The following ARRB1 variants were observed in gnomAD, a reference collection of about 807,000 sequenced individuals.
ARRB1 encodes the protein beta-arrestin-1.
ARRB1 carries 21 observed loss-of-function variants against 56.8 expected under a neutral mutation model. That is an observed-to-expected ratio of 0.37 (90% CI 0.26 to 0.53). The LOEUF is 0.53. Among genes scored for constraint, ARRB1 ranks in the 20% least tolerant of loss-of-function variants. ARRB1 has a pLI of 0.88. For synonymous variants in ARRB1, 210 were observed against 218.6 expected, an observed-to-expected ratio of 0.96 and a Z score of 0.35; for missense variants, 424 against 553.7, an observed-to-expected ratio of 0.77 and a Z score of 2.35.
At chr11:75,309,233 A>G (rs1214023436) in intron 1 of ARRB1, among the ~76,000 whole-genome samples, 1 of 152,232 alleles carries the variant, frequency 6.6e-6, no homozygotes, top group African/African-American at 2.4e-5. Context: ...CATTGCAGGG[A>G]TCCCTGGAGG....
intron 7 of ARRB1, among the ~76,000 whole-genome samples, chr11:75,279,445 G>C (rs1298391525): frequency 6.6e-6 from 1 of 152,092 alleles, no homozygotes; most frequent in East Asian, 1.9e-4. Flanking sequence ...GAGGGAGGGG[G>C]ACTTGGTGAG....
At chr11:75,324,122 C>T (rs1378626243) in intron 1 of ARRB1, among the ~76,000 whole-genome samples, 1 of 152,210 alleles carries the variant, frequency 6.6e-6, no homozygotes, top group Non-Finnish European at 1.5e-5. Context: ...GATGATTGCT[C>T]TCTTCTCCTT....
intron 1 of ARRB1, among the ~76,000 whole-genome samples, chr11:75,299,369 G>A (rs1946841729): frequency 6.6e-6 from 1 of 151,468 alleles, no homozygotes; most frequent in Non-Finnish European, 1.5e-5. Context: ...GTTATACAAT[G>A]AGCATAAAGT....
chr11:75,280,194 T>C (rs1591908807), intron 7 of ARRB1, among the ~76,000 whole-genome samples: 2 of 152,294 alleles, frequency 1.3e-5, no homozygotes, highest in South Asian at 2.1e-4. Flanking sequence ...TCCTCCCACA[T>C]CCCACAGCAC....
chr11:75,272,280 A>G (rs1668694718), intron 12 of ARRB1, among the ~76,000 whole-genome samples: 1 of 152,372 alleles, frequency 6.6e-6, no homozygotes, highest in East Asian at 1.9e-4. Context: ...AAAGAAACAC[A>G]GTAGTTTGTT....
At position 75,338,203 on chromosome 11, in the gene ARRB1, A is replaced by G. The variant is rs142603821; in HGVS notation, c.20+13385T>C. Among the ~76,000 whole-genome samples, 30 of 152,174 alleles carry G rather than the reference A, an allele frequency of 2.0e-4. 1 individual carries two copies. In the East Asian group the frequency reaches 2.3e-3, roughly 12 times the overall value. On this transcript the variant is annotated intron_variant, in intron 1 of 15. Transcript: ENST00000420843. Reference sequence around the variant, plus strand: ...GGGGACTTTCCCATAGGACATGGGGAGCAGTGGATCAGGCCTTAGGCTGGG... The same window carrying G: ...GGGGACTTTCCCATAGGACATGGGGGGCAGTGGATCAGGCCTTAGGCTGGG...
rs1239532561 is a variant in ARRB1, at chr11:75,265,817, C to G, written c.*346G>C. 1 of 327,698 alleles carries G rather than the reference C, an allele frequency of 3.1e-6. No individual in the cohort carries two copies. Among genetic ancestry groups the G allele is most frequent in the African/African-American group, 2.1e-5 (1 of 47,014 alleles). The allele number at this position is 327,698 out of a possible 1,614,324, so 20.3% of individuals were successfully genotyped here. A position where few individuals can be genotyped will look rare whatever the true frequency, so the allele number is the denominator to read the frequency against. On this transcript the variant is annotated 3_prime_UTR_variant, in exon 16 of 16. Transcript: ENST00000420843. ...TCCCCACCCCTCCAAGCCCTCATGC[C>G]CACCACACCGTGTCCCACATTCCCC...
At chr11:75,330,830 G>A (rs1325405307) in intron 1 of ARRB1, among the ~76,000 whole-genome samples, 1 of 152,146 alleles carries the variant, frequency 6.6e-6, no homozygotes, top group Non-Finnish European at 1.5e-5. Flanking sequence ...AAAGTGGCAG[G>A]GAACTTTCCC....
At chr11:75,298,066 A>G (rs1380211845) in intron 1 of ARRB1, among the ~76,000 whole-genome samples, 1 of 148,292 alleles carries the variant, frequency 6.7e-6, no homozygotes, top group Non-Finnish European at 1.5e-5. Context: ...TGTGCTTCAA[A>G]AGTCACTGTC....
intron 1 of ARRB1, among the ~76,000 whole-genome samples, chr11:75,346,417 C>T (rs1004613177): frequency 2.6e-5 from 4 of 152,064 alleles, no homozygotes; most frequent in African/African-American, 9.7e-5. Context: ...GAGATAAAAC[C>T]CCTAGGTTCC....
chr11:75,287,873 T>A (rs188528506), intron 2 of ARRB1, among the ~76,000 whole-genome samples: 5 of 152,220 alleles, frequency 3.3e-5, no homozygotes, highest in African/African-American at 9.6e-5. Context: ...TAAATAATTT[T>A]TTTTTCGAGA....
Position 75,304,171 on chromosome 11 carries a change from C to G in ARRB1, c.21-14132G>C, listed in dbSNP as rs185112091. ...GTTTTTGTTTGGTTTGTTTGTTTTG[C>G]CAATTTCAACATGCAAACTTTTAAG... On this transcript the variant is annotated intron_variant, in intron 1 of 15. Transcript: ENST00000420843. Among the ~76,000 whole-genome samples the G allele has an allele frequency of 6.6e-5, 10 of 152,024 alleles. 1 individual carries two copies. Among genetic ancestry groups the G allele is most frequent in the Non-Finnish European group, 1.2e-4 (8 of 67,990 alleles).
chr11:75,272,459 A>G (rs1199105483), intron 12 of ARRB1, among the ~76,000 whole-genome samples: 6 of 152,172 alleles, frequency 3.9e-5, no homozygotes, highest in African/African-American at 7.2e-5. Context: ...CAAATCCCCA[A>G]TCCAGCTCTG....
chr11:75,267,710 ACAGGGTGGGTGGG>A lies in ARRB1; in HGVS notation c.1094-20_1094-8del. On this transcript the variant is annotated splice_polypyrimidine_tract_variant and splice_region_variant and intron_variant, in intron 14 of 15. Transcript: ENST00000420843. The stretch of plus-strand genomic sequence containing the variant: ...GGCGTCTCGTTCTCTGGAACTAAAC[ACAGGGTGGGTGGG>A]CAGGGTGTCCAGGGATTAGTGAGTG... 6 of 1,105,136 alleles carry A rather than the reference ACAGGGTGGGTGGG, an allele frequency of 5.4e-6. No homozygotes were observed. Among genetic ancestry groups the A allele is most frequent in the East Asian group, 2.6e-5 (1 of 39,086 alleles). The allele number at this position is 1,105,136 out of a possible 1,614,324, so 68.5% of individuals were successfully genotyped here.
chr11:75,308,410 C>A (rs1167998127), intron 1 of ARRB1, among the ~76,000 whole-genome samples: 2 of 152,182 alleles, frequency 1.3e-5, no homozygotes, highest in Admixed American at 6.5e-5. Context: ...CACTGAAAAG[C>A]AATCTGACTG....
intron 1 of ARRB1, among the ~76,000 whole-genome samples, chr11:75,330,800 G>A (rs991669042): frequency 1.3e-5 from 2 of 152,204 alleles, no homozygotes; most frequent in African/African-American, 4.8e-5. Context: ...TTCTAAAGAT[G>A]AAGAAACTGA....
chr11:75,325,404 C>G (rs1474116251), intron 1 of ARRB1, among the ~76,000 whole-genome samples: 1 of 152,212 alleles, frequency 6.6e-6, no homozygotes, highest in African/African-American at 2.4e-5. Context: ...TCACTGCAAC[C>G]TCCGCCTCCT....
At chr11:75,280,892 C>G (rs1246795287) in intron 7 of ARRB1, 183 bp downstream of exon 7, 1 of 660,656 alleles carries the variant, frequency 1.5e-6, no homozygotes, top group African/African-American at 1.8e-5. Flanking sequence ...CCCAGGCAGT[C>G]GAAGCCACCT....
intron 1 of ARRB1, among the ~76,000 whole-genome samples, chr11:75,348,502 A>G (rs985666409): frequency 5.9e-5 from 9 of 152,030 alleles, no homozygotes; most frequent in African/African-American, 1.9e-4. Flanking sequence ...CTCAGAAGGC[A>G]CTCATCAACA....
Sources: gnomAD v4.1 joint callset for allele counts (sites outside exome capture counted in the v4.1 genomes callset) on GRCh38, gnomAD v4.1.1 for gene constraint, MANE v1.5 for transcripts, NCBI Gene and HGNC (gene_info 2026-07-23, HGNC 2026-07-21) for gene names.